Variants in SPTB observed in about 807,000 individuals in gnomAD.
The protein encoded by SPTB is spectrin beta, erythrocytic.
Under a neutral mutation model 256.2 loss-of-function variants are expected in SPTB, and 45 were observed. The observed-to-expected ratio is 0.18, with a 90% CI of 0.14 to 0.23. SPTB has a LOEUF of 0.23. Ranked by LOEUF, SPTB falls within the 10% of genes least tolerant of loss-of-function variation. The probability of loss-of-function intolerance (pLI) is 1.00; values close to 1 mark genes in which losing one functional copy is unlikely to be tolerated. For synonymous variants in SPTB, 1,231 were observed against 1,243.1 expected (o/e 0.99, Z 0.21); for missense variants, 2,715 against 3,040.4 (o/e 0.89, Z 2.52).
At position 64,803,730 on chromosome 14, in the gene SPTB, G is replaced by A. The variant is rs1260829374; in HGVS notation, c.351C>T (p.Asp117=). ...KMRIHCLENV[D]KALQFLKEQR... is the part of the protein sequence containing the mutation. ...GCTCCTTGAGGAACTGGAGAGCCTT[G>A]TCCACATTCTCCAGGCAGTGGATGC... Residue 117 remains aspartate (D), a synonymous_variant, in exon 4 of 36, where the codon GAC becomes GAT. Transcript: ENST00000644917. 6.2e-7 allele frequency: 1 copy of A among 1,613,970 alleles called. No individual in the cohort carries two copies. The highest frequency in any genetic ancestry group is 1.3e-5 in the African/African-American group (1 of 74,906).
In SPTB at chr14:64,773,313, G is replaced by C. The variant is rs149143399; in HGVS notation, c.5085C>G (p.Leu1695=). 1 of 1,614,224 alleles carries C rather than the reference G, an allele frequency of 6.2e-7. No individual in the cohort carries two copies. Among genetic ancestry groups the C allele is most frequent in the Non-Finnish European group, 8.5e-7 (1 of 1,180,034 alleles). The change falls in exon 25 of 36, where the codon CTC becomes CTG. Residue 1695 remains leucine, a synonymous_variant. Coordinates refer to ENST00000644917, the MANE Select transcript of SPTB (RefSeq NM_001355436.2). ...GCTCCAGGTCGTCGGTCTCCCGCTT[G>C]AGCTGGAACAGGTGGTACATGTTCT... is the stretch of plus-strand genomic sequence containing the variant. ...KLENMYHLFQ[L]KRETDDLEQW...
Position 64,779,699 on chromosome 14 carries a change from G to C in SPTB, c.4473+26C>G. 1.2e-6 allele frequency: 2 copies of C among 1,613,788 alleles called. No individual in the cohort carries two copies. The highest frequency in any genetic ancestry group is 1.3e-5 in the African/African-American group (1 of 75,034). ...GCAGCTGGTGGCTCAGCCTCAGGAG[G>C]TAGGGAGAAGCTGTGGCCCACGCAC... On this transcript the variant is annotated intron_variant, in intron 21 of 35. Coordinates refer to ENST00000644917, the MANE Select transcript of SPTB (RefSeq NM_001355436.2). This position sits in a 1 kb window ranked among gnomAD's most constrained non-coding sequence, Gnocchi z 4.2.
chr14:64,865,269 A>G (rs1882099380), intron 1 of SPTB, among the ~76,000 whole-genome samples: 1 of 151,818 alleles, frequency 6.6e-6, no homozygotes, highest in Non-Finnish European at 1.5e-5. Context: ...TACGACTGCC[A>G]GGAGTTTTAT....
chr14:64,762,913 T>C (rs2082114555), intron 32 of SPTB, among the ~76,000 whole-genome samples: 1 of 152,170 alleles, frequency 6.6e-6, no homozygotes, highest in African/African-American at 2.4e-5. Context: ...GCAAAGGTGA[T>C]TAGGAGCACC....
At position 64,827,440 on chromosome 14, in the gene SPTB, C is replaced by T. The variant is rs2083391895; in HGVS notation, c.-51-4295G>A. On this transcript the variant is annotated intron_variant, in intron 1 of 35. Transcript: ENST00000644917. The surrounding 1 kb of genome is among the most constrained non-coding windows in gnomAD (Gnocchi z 4.6). ...CTTCTCTCTAGCTGTAAGGTTTGAC[C>T]CCCTCACCTGTTTTCTAGTTTGTCC... 6.6e-6 allele frequency among the ~76,000 whole-genome samples: 1 copy of T among 152,076 alleles called. No individual in the cohort carries two copies. Among genetic ancestry groups the T allele is most frequent in the African/African-American group, 2.4e-5 (1 of 41,404 alleles).
intron 1 of SPTB, among the ~76,000 whole-genome samples, chr14:64,857,154 T>C (rs769973674): frequency 1.3e-5 from 2 of 152,142 alleles, no homozygotes; most frequent in Non-Finnish European, 2.9e-5. Context: ...CAGAGAACTA[T>C]TGCCATATTA....
Position 64,807,894 on chromosome 14 carries a change from G to A in SPTB, c.149-2804C>T, listed in dbSNP as rs1053266857. 2.0e-5 allele frequency among the ~76,000 whole-genome samples: 3 copies of A among 152,254 alleles called. No homozygotes were observed. Among genetic ancestry groups the A allele is most frequent in the African/African-American group, 7.2e-5 (3 of 41,480 alleles). On this transcript the variant is annotated intron_variant, in intron 2 of 35. Transcript: ENST00000644917. The surrounding 1 kb of genome is among the most constrained non-coding windows in gnomAD (Gnocchi z 4.7). ...GGGAAGGAGGCCTCAGCACAGCCCT[G>A]CCAGGAGCCAGGCCTTATTTCCAGA...
chr14:64,767,611 T>TG lies in SPTB; in HGVS notation c.6219+51dup, dbSNP rs1229746169. 3.3e-5 allele frequency: 53 copies of TG among 1,606,224 alleles called. No individual in the cohort carries two copies. In the Admixed American group the frequency reaches 5.2e-4, roughly 16 times the overall value. Reference sequence around the variant, plus strand: ...GCCTGGAGTCCTTACATGAGACCCCTGGGGGCACAGTTGCCACCCTCCTGA... The same window carrying TG: ...GCCTGGAGTCCTTACATGAGACCCCTGGGGGGCACAGTTGCCACCCTCCTGA... On this transcript the variant is annotated intron_variant, in intron 30 of 35. Coordinates refer to ENST00000644917, the MANE Select transcript of SPTB (RefSeq NM_001355436.2).
At position 64,772,732 on chromosome 14, in the gene SPTB, G is replaced by C. The variant is rs781493805; in HGVS notation, c.5401C>G (p.Arg1801Gly). Residue 1801 changes from arginine (R) to glycine (G), a missense_variant, in exon 26 of 36, where the codon CGC (arginine) becomes GGC (glycine). Physicochemically the swap from Arg to Gly is moderately radical, Grantham distance 125. Coordinates refer to ENST00000644917, the MANE Select transcript of SPTB (RefSeq NM_001355436.2). The surrounding 1 kb of genome is among the most constrained non-coding windows in gnomAD (Gnocchi z 5.4). ...ATCTCGGCACCCGTGTAGAAGTAGC[G>C]GTGCAGGTCATAGGAGGCGGCCAGC... ...QLLAASYDLH[R>G]YFYTGAEILG... 3.1e-6 allele frequency: 5 copies of C among 1,613,912 alleles called. No homozygotes were observed. The highest frequency in any genetic ancestry group is 4.2e-6 in the Non-Finnish European group (5 of 1,180,016).
rs1479882976 is a variant in SPTB at position 64,748,830 on chromosome 14, C to T, written c.*476G>A. The T allele has an allele frequency of 1.2e-5, 2 of 166,964 alleles. No homozygotes were observed. The highest frequency in any genetic ancestry group is 6.3e-5 in the Admixed American group (1 of 15,836). The allele number at this position is 166,964 out of a possible 1,614,324, so 10.3% of individuals were successfully genotyped here. A position where few individuals can be genotyped will look rare whatever the true frequency, so the allele number is the denominator to read the frequency against. On this transcript the variant is annotated 3_prime_UTR_variant, in exon 36 of 36. Transcript: ENST00000644917. ...GCTGGCCATGCATTTCCAGTGTCTT[C>T]TTCCTTTCCCCTTTCCCTGGCTGCC...
intron 1 of SPTB, among the ~76,000 whole-genome samples, chr14:64,843,910 C>T (rs960880893): frequency 6.6e-6 from 1 of 152,202 alleles, no homozygotes; most frequent in African/African-American, 2.4e-5. Flanking sequence ...CACCAGCCTC[C>T]CATCCCAGCA....
Position 64,792,022 on chromosome 14 carries a change from C to T in SPTB, c.2667-166G>A, listed in dbSNP as rs1473332281. 6.6e-6 allele frequency among the ~76,000 whole-genome samples: 1 copy of T among 152,218 alleles called. No individual in the cohort carries two copies. On this transcript the variant is annotated intron_variant, in intron 14 of 35. Coordinates refer to ENST00000644917, the MANE Select transcript of SPTB (RefSeq NM_001355436.2). The surrounding 1 kb of genome is among the most constrained non-coding windows in gnomAD (Gnocchi z 4.2). ...GGAAGAAAACAGATATGCTGGCCCTCCTTTCTGGTTCATGGGTTTGATTTC... is the reference window on the plus strand; with the variant it reads ...GGAAGAAAACAGATATGCTGGCCCTTCTTTCTGGTTCATGGGTTTGATTTC...
Position 64,770,994 on chromosome 14 carries a change from T to C in SPTB, c.5689A>G (p.Thr1897Ala), listed in dbSNP as rs147013623. Residue 1897 changes from threonine to alanine, a missense_variant, in exon 27 of 36, where the codon ACC (threonine) becomes GCC (alanine). Around this residue, in one of 4 missense-constraint regions of SPTB, gnomAD observed 2,239 missense variants for 2,384.4 expected, o/e 0.94. Transcript: ENST00000644917. ...TTATCCGCCGTGTCCACTAGCTGGGTCCGGCGCCCGGCACAGGCATCGAGC... is the reference window on the plus strand; with the variant it reads ...TTATCCGCCGTGTCCACTAGCTGGGCCCGGCGCCCGGCACAGGCATCGAGC... ...ALLDACAGRR[T>A]QLVDTADKFR... 9.0e-5 allele frequency: 145 copies of C among 1,614,120 alleles called. No homozygotes were observed. The African/African-American group carries it at 1.6e-3, about 17-fold the overall frequency.
chr14:64,874,740 T>C (rs971896963), intron 1 of SPTB, among the ~76,000 whole-genome samples: 2 of 152,272 alleles, frequency 1.3e-5, no homozygotes, highest in Non-Finnish European at 1.5e-5. Flanking sequence ...GACACGCCCA[T>C]ATTTAAGTCT....
At chr14:64,875,437 G>A (rs1442243842) in intron 1 of SPTB, among the ~76,000 whole-genome samples, 1 of 152,164 alleles carries the variant, frequency 6.6e-6, no homozygotes, top group Non-Finnish European at 1.5e-5. Context: ...ACCAAGGGGA[G>A]TTGGCAATCC....
rs1295056364 is a variant in SPTB, at chr14:64,866,963, A to T, written c.-52+12829T>A. On this transcript the variant is annotated intron_variant, in intron 1 of 35. Transcript: ENST00000644917. The surrounding 1 kb of genome is among the most constrained non-coding windows in gnomAD (Gnocchi z 4.6). ...AACGCCCACTCAAAGAGCCTTTCAT[A>T]GCTGCATTCTGAGGGTCAGCTTCAA... Among the ~76,000 whole-genome samples the T allele has an allele frequency of 6.6e-6, 1 of 152,160 alleles. No individual in the cohort carries two copies. Among genetic ancestry groups the T allele is most frequent in the African/African-American group, 2.4e-5 (1 of 41,426 alleles).
In SPTB at chr14:64,823,172, G is replaced by A. The variant is rs2139702128; in HGVS notation, c.-51-27C>T. On this transcript the variant is annotated intron_variant, in intron 1 of 35. Transcript: ENST00000644917. The surrounding 1 kb of genome is among the most constrained non-coding windows in gnomAD (Gnocchi z 6.5). ...TGGGGGACAGCAACACAGTCAGAGG[G>A]TTATCTCTCTACCCCCTCGGACTTT... 6.4e-6 allele frequency: 10 copies of A among 1,565,384 alleles called. No individual in the cohort carries two copies. Among genetic ancestry groups the A allele is most frequent in the East Asian group, 2.2e-5 (1 of 44,644 alleles).
chr14:64,861,810 C>T (rs529630893), intron 1 of SPTB, among the ~76,000 whole-genome samples: 3 of 152,318 alleles, frequency 2.0e-5, no homozygotes, highest in African/African-American at 7.2e-5. Flanking sequence ...ACTTGAGCCT[C>T]TTCCAAGGCT....
rs2082806270 is a variant in SPTB, at chr14:64,797,843, A to C, written c.1068T>G (p.Phe356Leu). 1 of 1,613,140 alleles carries C rather than the reference A, an allele frequency of 6.2e-7. No homozygotes were observed. The highest frequency in any genetic ancestry group is 8.5e-7 in the Non-Finnish European group (1 of 1,179,082). Residue 356 changes from phenylalanine (F) to leucine (L), a missense_variant, in exon 10 of 36, where the codon TTT becomes TTG. This residue lies in a region of SPTB where 416 missense variants were observed against 571.1 expected (regional missense o/e 0.73). Transcript: ENST00000644917. ...TYRTVEKPPK[F>L]QEKGNLEVLL... ...GAACTTCCAGATTCCCCTTCTCTTGAAACCTGTCAAGAAAACAGAAGTAGG... is the reference window on the plus strand; with the variant it reads ...GAACTTCCAGATTCCCCTTCTCTTGCAACCTGTCAAGAAAACAGAAGTAGG...
Sources: gnomAD v4.1 joint callset for allele counts (sites outside exome capture counted in the v4.1 genomes callset) on GRCh38, gnomAD v4.1.1 for gene constraint, gnomAD v4.1.1 regional missense constraint, Gnocchi (gnomAD v3.1) non-coding constraint, MANE v1.5 for transcripts, NCBI Gene and HGNC (gene_info 2026-07-23, HGNC 2026-07-21) for gene names.